TNPO3: variants seen among roughly 807,000 people sequenced by gnomAD.
TNPO3 encodes transportin-3.
In TNPO3, 65 loss-of-function variants were observed where a neutral mutation model predicts 122.8. That is an observed-to-expected ratio of 0.53 (90% CI 0.43 to 0.65). The LOEUF (loss-of-function observed/expected upper bound fraction) is 0.65, where lower values mean the gene tolerates loss of function less well. TNPO3 is among the 30% of genes least tolerant of loss of function. The pLI, the probability that TNPO3 is intolerant of heterozygous loss-of-function variation, is 0.00. For synonymous variants in TNPO3, 372 were observed against 411.2 expected (o/e 0.90, Z 1.15); for missense variants, 850 against 1,136.7 (o/e 0.75, Z 3.63).
In TNPO3 at chr7:128,990,000, C is replaced by T; in HGVS notation, c.1459G>A (p.Glu487Lys). The change falls in exon 11 of 23, where the codon GAG becomes AAG. Residue 487 changes from glutamate to lysine, a missense_variant. Physicochemically the swap from Glu to Lys is moderately conservative, Grantham distance 56. Transcript: ENST00000265388. ...TTTCGATCAACGACTTCACTCATCT[C>T]TCCAACCAATTCAATGCTGGTGTAT... ...VRYTSIELVG[E>K]MSEVVDRNPQ... 6.2e-7 allele frequency: 1 copy of T among 1,614,246 alleles called. No homozygotes were observed. Among genetic ancestry groups the T allele is most frequent in the Non-Finnish European group, 8.5e-7 (1 of 1,180,040 alleles).
rs140153161 is a variant in TNPO3, at chr7:128,958,018, T to G, written c.2712-703A>C. Among the ~76,000 whole-genome samples, 293 of 152,264 alleles carry G rather than the reference T, an allele frequency of 1.9e-3. 2 individuals carry two copies. The highest frequency in any genetic ancestry group is 6.5e-3 in the African/African-American group (270 of 41,570). The stretch of plus-strand genomic sequence containing the variant: ...CCCCCGACCTCCCTTTGTCCAAAAC[T>G]GTCACCAAGAAACCAGCTGATGCCA... On this transcript the variant is annotated intron_variant, in intron 21 of 22. Coordinates refer to ENST00000265388, the MANE Select transcript of TNPO3 (RefSeq NM_012470.4).
intron 1 of TNPO3, among the ~76,000 whole-genome samples, chr7:129,020,428 C>T (rs117671964): frequency 2.3e-3 from 351 of 152,160 alleles, no homozygotes; most frequent in Non-Finnish European, 4.3e-3. Flanking sequence ...CTTTACTTTG[C>T]TCATGTTAAT....
intron 7 of TNPO3, 49 bp from the exon 8 acceptor site, chr7:128,997,584 A>C: frequency 6.6e-7 from 1 of 1,506,676 alleles, no homozygotes; most frequent in Non-Finnish European, 9.2e-7. Flanking sequence ...GGAATAGAAT[A>C]AGAAGACATT....
chr7:129,040,626 T>C (rs1807266501), intron 1 of TNPO3, among the ~76,000 whole-genome samples: 1 of 152,196 alleles, frequency 6.6e-6, no homozygotes, highest in Non-Finnish European at 1.5e-5. Context: ...TTCTGCAAGT[T>C]GGAAATTGCA....
chr7:128,995,360 A>G (rs1391289145), intron 8 of TNPO3, among the ~76,000 whole-genome samples: 1 of 152,238 alleles, frequency 6.6e-6, no homozygotes, highest in African/African-American at 2.4e-5. Flanking sequence ...AAAGGCACGT[A>G]CAAGAATCTT....
At chr7:128,975,043 T>C (rs1798918896) in intron 17 of TNPO3, 81 bp from the exon 18 acceptor site, 7 of 1,068,408 alleles carry the variant, frequency 6.6e-6, no homozygotes, top group Non-Finnish European at 1.0e-5. Flanking sequence ...TTTATTACAA[T>C]AAGTACAAAA....
chr7:128,986,628 A>G (rs975982363), intron 12 of TNPO3, 101 bp downstream of exon 12: 15 of 1,121,760 alleles, frequency 1.3e-5, no homozygotes, highest in Middle Eastern at 2.1e-4. Flanking sequence ...ATTCTTAAAC[A>G]CTAAGTACAT....
Position 129,054,955 on chromosome 7 carries a change from A to T in TNPO3, c.-185T>A, listed in dbSNP as rs1020819871. 1.5e-6 allele frequency: 1 copy of T among 679,020 alleles called. No individual in the cohort carries two copies. The highest frequency in any genetic ancestry group is 2.4e-6 in the Non-Finnish European group (1 of 409,902). The allele number at this position is 679,020 out of a possible 1,614,324, so 42.1% of individuals were successfully genotyped here. The stretch of plus-strand genomic sequence containing the variant: ...GGAAGTTGCCCCCTCGGAAACAGCT[A>T]TTAGGTCGTATTCAGGTTCCTGGCC... On this transcript the variant is annotated 5_prime_UTR_variant, in exon 1 of 23. Transcript: ENST00000265388.
At chr7:128,990,960 C>T (rs770664127) in intron 10 of TNPO3, among the ~76,000 whole-genome samples, 5 of 147,590 alleles carry the variant, frequency 3.4e-5, no homozygotes, top group Non-Finnish European at 3.0e-5. Flanking sequence ...ATGCAGTTGG[C>T]TTGAAATGCA....
At chr7:129,053,392 G>A (rs1032988123) in intron 1 of TNPO3, among the ~76,000 whole-genome samples, 1 of 151,518 alleles carries the variant, frequency 6.6e-6, no homozygotes, top group Non-Finnish European at 1.5e-5. Flanking sequence ...CTACTCGGGA[G>A]GCTGAGGCAG....
intron 1 of TNPO3, among the ~76,000 whole-genome samples, chr7:129,051,122 T>C (rs139375470): frequency 0.014 from 2,057 of 144,436 alleles, 55 homozygotes; most frequent in African/African-American, 0.049. Context: ...TGACTTATTG[T>C]GGATACCCAG....
intron 9 of TNPO3, among the ~76,000 whole-genome samples, chr7:128,992,301 G>A (rs866167966): frequency 2.0e-4 from 30 of 152,028 alleles, no homozygotes; most frequent in Admixed American, 6.6e-4. Flanking sequence ...ATTTAGACCC[G>A]CAAGAGTTTA....
At position 128,970,294 on chromosome 7, in the gene TNPO3, G is replaced by T; in HGVS notation, c.2452C>A (p.Arg818=). The change falls in exon 20 of 23, where the codon CGG becomes AGG. Residue 818 remains arginine, a synonymous_variant. Coordinates refer to ENST00000265388, the MANE Select transcript of TNPO3 (RefSeq NM_012470.4). ...ANDHEEDFEL[R]KELIGQVMNQ... ...ATCACCTGTCCAATCAGTTCTTTCCGTAATTCAAAGTCTTCTTCATGCTGT... is the reference window on the plus strand; with the variant it reads ...ATCACCTGTCCAATCAGTTCTTTCCTTAATTCAAAGTCTTCTTCATGCTGT... 6.2e-7 allele frequency: 1 copy of T among 1,601,766 alleles called. No individual in the cohort carries two copies. Among genetic ancestry groups the T allele is most frequent in the Non-Finnish European group, 8.5e-7 (1 of 1,173,530 alleles).
At chr7:128,967,223 A>C (rs1798006101) in intron 21 of TNPO3, 57 bp downstream of exon 21, 1 of 1,102,180 alleles carries the variant, frequency 9.1e-7, no homozygotes, top group Non-Finnish European at 1.4e-6. Context: ...CATAAGAAAT[A>C]AAGATATGTT....
At chr7:128,978,385 C>T (rs928925332) in intron 16 of TNPO3, among the ~76,000 whole-genome samples, 7 of 152,298 alleles carry the variant, frequency 4.6e-5, no homozygotes, top group African/African-American at 1.7e-4. Context: ...GTCTGACTTG[C>T]TACATTTTTT....
chr7:129,026,045 G>A (rs377345156), intron 1 of TNPO3, among the ~76,000 whole-genome samples: 1 of 150,320 alleles, frequency 6.7e-6, no homozygotes, highest in East Asian at 2.0e-4. Flanking sequence ...AGAATTGCTT[G>A]AACCTGGGAG....
chr7:128,984,922 C>T (rs73463046), intron 12 of TNPO3, among the ~76,000 whole-genome samples: 29 of 152,180 alleles, frequency 1.9e-4, no homozygotes, highest in African/African-American at 7.0e-4. Context: ...AAAAGAAAAA[C>T]CAAAAGAGGC....
chr7:129,048,756 TAAAA>T (rs932645629), intron 1 of TNPO3, among the ~76,000 whole-genome samples: 2 of 152,058 alleles, frequency 1.3e-5, no homozygotes, highest in Non-Finnish European at 2.9e-5. Context: ...CAAAAATAAA[TAAAA>T]CTCGCAGATA....
At chr7:128,971,659 G>A (rs1006087353) in intron 19 of TNPO3, among the ~76,000 whole-genome samples, 2 of 152,148 alleles carry the variant, frequency 1.3e-5, no homozygotes, top group Admixed American at 6.5e-5. Context: ...CGAAATTCCT[G>A]TGAAGCACTT....
Sources: allele counts gnomAD v4.1 joint callset (sites outside exome capture counted in the v4.1 genomes callset), GRCh38; gene constraint gnomAD v4.1.1; transcripts MANE v1.5; gene names NCBI Gene and HGNC (gene_info 2026-07-23, HGNC 2026-07-21).